Variants in NRXN1 observed in about 807,000 individuals in gnomAD.
NRXN1 encodes the protein neurexin 1.
A neutral mutation model predicts 150.9 loss-of-function variants in NRXN1; 39 were observed. The observed-to-expected ratio is 0.26, with a 90% CI of 0.20 to 0.34. The LOEUF (loss-of-function observed/expected upper bound fraction) is 0.34, where lower values mean the gene tolerates loss of function less well. Among genes scored for constraint, NRXN1 ranks in the 10% least tolerant of loss-of-function variants. NRXN1 has a pLI of 1.00. For synonymous variants in NRXN1, 924 were observed against 757.0 expected, an observed-to-expected ratio of 1.22 and a Z score of -3.62; for missense variants, 1,815 against 1,949.9, an observed-to-expected ratio of 0.93 and a Z score of 1.30.
At chr2:50,275,885 C>G (rs563844275) in intron 17 of NRXN1, among the ~76,000 whole-genome samples, 2 of 151,420 alleles carry the variant, frequency 1.3e-5, no homozygotes, top group East Asian at 3.9e-4. Context: ...GTGTCAAAAG[C>G]CATGTTTGTT....
chr2:50,516,831 C>T (rs1234523699), intron 12 of NRXN1, among the ~76,000 whole-genome samples: 1 of 152,098 alleles, frequency 6.6e-6, no homozygotes, highest in Non-Finnish European at 1.5e-5. Context: ...ACTAGAAATA[C>T]TCATCCCAGT....
At chr2:50,166,279 A>ATG (rs70946894) in intron 18 of NRXN1, among the ~76,000 whole-genome samples, 14,955 of 131,436 alleles carry the variant, frequency 0.11, 385 homozygotes, top group Middle Eastern at 0.15. Context: ...TACTCAACGT[A>ATG]TGTGTGTGTG....
chr2:50,626,457 C>T (rs1022681102), intron 5 of NRXN1, among the ~76,000 whole-genome samples: 4 of 151,794 alleles, frequency 2.6e-5, no homozygotes, highest in African/African-American at 9.7e-5. Context: ...GATAATCAAA[C>T]TTAAAATATT....
At chr2:50,164,768 C>A (rs536228147) in intron 18 of NRXN1, among the ~76,000 whole-genome samples, 1 of 152,142 alleles carries the variant, frequency 6.6e-6, no homozygotes, top group African/African-American at 2.4e-5. Flanking sequence ...GAGAAAGAGA[C>A]AACGCATTCT....
At chr2:50,901,809 T>C (rs1274289200) in intron 5 of NRXN1, among the ~76,000 whole-genome samples, 1 of 152,234 alleles carries the variant, frequency 6.6e-6, no homozygotes, top group East Asian at 1.9e-4. Context: ...TAAATGTGAA[T>C]TATAGCAATA....
intron 5 of NRXN1, among the ~76,000 whole-genome samples, chr2:50,868,660 T>C (rs1007466041): frequency 3.3e-5 from 5 of 151,920 alleles, no homozygotes; most frequent in African/African-American, 4.8e-5. Context: ...ATTAAAATTA[T>C]TGTAGACAAT....
chr2:49,983,272 C>T (rs1036325926), intron 21 of NRXN1, among the ~76,000 whole-genome samples: 4 of 152,130 alleles, frequency 2.6e-5, no homozygotes, highest in Non-Finnish European at 4.4e-5. Flanking sequence ...TTTGGAACAT[C>T]AGCTTCTAGC....
chr2:50,005,122 T>A (rs1684550700), intron 21 of NRXN1, among the ~76,000 whole-genome samples: 1 of 152,108 alleles, frequency 6.6e-6, no homozygotes, highest in Admixed American at 6.6e-5. Context: ...TTGCACTGTA[T>A]TTATTATTTC....
chr2:50,922,738 G>T (rs1247972748), intron 3 of NRXN1, 51 bp from the exon 4 acceptor site: 2 of 1,589,968 alleles, frequency 1.3e-6, no homozygotes, highest in Non-Finnish European at 1.7e-6. Flanking sequence ...AGCATGGGAA[G>T]GCAGGGTTGT....
At chr2:49,982,527 TTGA>T (rs1378768252) in intron 21 of NRXN1, among the ~76,000 whole-genome samples, 1 of 152,054 alleles carries the variant, frequency 6.6e-6, no homozygotes, top group Non-Finnish European at 1.5e-5. Flanking sequence ...ATGATTTTTG[TTGA>T]TGATGCTGTT....
intron 5 of NRXN1, chr2:50,829,687 C>A: frequency 1.2e-6 from 2 of 1,607,480 alleles, no homozygotes; most frequent in Non-Finnish European, 8.5e-7. Flanking sequence ...AGCGGAGCGC[C>A]GCGCCAGGCC....
intron 21 of NRXN1, chr2:50,016,561 A>C (rs1185625855): frequency 6.6e-6 from 1 of 152,224 alleles, no homozygotes; most frequent in Non-Finnish European, 1.5e-5. Flanking sequence ...AAGCAAACAC[A>C]TCCTTCTTAA....
rs1163367147 is a variant in NRXN1, at chr2:50,820,738, G to A, written c.832+101131C>T. Among the ~76,000 whole-genome samples, 3 of 152,168 alleles carry A rather than the reference G, an allele frequency of 2.0e-5. No homozygotes were observed. In the South Asian group the frequency reaches 6.2e-4, roughly 32 times the overall value. ...TTCAGTTGTAAACAAGGAGGAGCCT[G>A]GTGTGATTTCAGGTTCCAGTTTCCA... On this transcript the variant is annotated intron_variant, in intron 5 of 22. Transcript: ENST00000401669.
At chr2:50,536,447 T>C (rs1312427147) in intron 10 of NRXN1, among the ~76,000 whole-genome samples, 1 of 152,200 alleles carries the variant, frequency 6.6e-6, no homozygotes, top group Non-Finnish European at 1.5e-5. Flanking sequence ...AATATATAAA[T>C]ATTTCTTCTC....
chr2:50,730,053 C>A (rs566570389), intron 5 of NRXN1, among the ~76,000 whole-genome samples: 29 of 152,280 alleles, frequency 1.9e-4, no homozygotes, highest in Non-Finnish European at 3.2e-4. Context: ...AGGCACCCAG[C>A]ATGTTCTATT....
At chr2:50,640,483 C>A (rs1473790741) in intron 5 of NRXN1, among the ~76,000 whole-genome samples, 1 of 152,110 alleles carries the variant, frequency 6.6e-6, no homozygotes, top group South Asian at 2.1e-4. Context: ...CACTTAAATG[C>A]ATTTCTTCCT....
At chr2:50,472,795 T>TTGTG (rs113192574) in intron 15 of NRXN1, among the ~76,000 whole-genome samples, 45,098 of 138,020 alleles carry the variant, frequency 0.33, 7,767 homozygotes, top group Non-Finnish European at 0.37. Context: ...CCCTACAGCC[T>TTGTG]TGTGTGTGTG....
At chr2:50,982,108 A>G (rs1434968345) in intron 2 of NRXN1, among the ~76,000 whole-genome samples, 2 of 152,096 alleles carry the variant, frequency 1.3e-5, no homozygotes, top group Non-Finnish European at 2.9e-5. Context: ...TAAACTTGAA[A>G]TAACAAATAG....
chr2:50,772,051 TA>T (rs1428682422), intron 5 of NRXN1, among the ~76,000 whole-genome samples: 1 of 152,024 alleles, frequency 6.6e-6, no homozygotes, highest in Admixed American at 6.6e-5. Context: ...GGGCATGCAA[TA>T]GAAATACCAG....
Sources: allele counts gnomAD v4.1 joint callset (sites outside exome capture counted in the v4.1 genomes callset), GRCh38; gene constraint gnomAD v4.1.1; transcripts MANE v1.5; gene names NCBI Gene and HGNC (gene_info 2026-07-23, HGNC 2026-07-21).